CEP192: variants seen among roughly 807,000 people sequenced by gnomAD.
CEP192 encodes the protein centrosomal protein 192.
In CEP192, 151 loss-of-function variants were observed where a neutral mutation model predicts 271.8. The ratio of observed to expected loss-of-function variants is 0.56; its 90% CI spans 0.49 to 0.64. The LOEUF (loss-of-function observed/expected upper bound fraction) is 0.64, where lower values mean the gene tolerates loss of function less well. Ranked by LOEUF, CEP192 falls within the 30% of genes least tolerant of loss-of-function variation. CEP192 has a pLI of 0.00. For missense variants in CEP192, 2,910 were observed against 3,020.5 expected (o/e 0.96, Z 0.86); for synonymous variants, 995 against 1,076.5 (o/e 0.92, Z 1.48).
chr18:13,115,777 G>T (rs2040400521), intron 42 of CEP192, among the ~76,000 whole-genome samples: 1 of 152,162 alleles, frequency 6.6e-6, no homozygotes, highest in Non-Finnish European at 1.5e-5. Flanking sequence ...TATTTGTGGA[G>T]ACTGAAGGTG....
chr18:13,068,410 A>G lies in CEP192; in HGVS notation c.4810A>G (p.Ile1604Val). 1.9e-6 allele frequency: 3 copies of G among 1,611,390 alleles called. No homozygotes were observed. Among genetic ancestry groups the G allele is most frequent in the Non-Finnish European group, 1.7e-6 (2 of 1,178,248 alleles). The change falls in exon 24 of 45, where the codon ATC becomes GTC. Residue 1604 changes from isoleucine (I) to valine (V), a missense_variant. Physicochemically the swap from Ile to Val is conservative, Grantham distance 29 (BLOSUM62 3). Coordinates refer to ENST00000506447, the MANE Select transcript of CEP192 (RefSeq NM_032142.4). Reference sequence around the variant, plus strand: ...TCTTTTCCATAGTCCAAAGAAACAGATCAGCTCTTCAGGTATCATGTTTAC... The same window carrying G: ...TCTTTTCCATAGTCCAAAGAAACAGGTCAGCTCTTCAGGTATCATGTTTAC... ...WVLFHSPKKQ[I>V]SSSDILDSAE... is the part of the protein sequence containing the mutation.
rs183139472 is a variant in CEP192 at position 13,072,959 on chromosome 18, T to C, written c.5440-50T>C. 1,034 of 1,571,530 alleles carry C rather than the reference T, an allele frequency of 6.6e-4. 2 individuals are homozygous for C. The African/African-American group carries it at 6.7e-3, about 10-fold the overall frequency. Reference sequence around the variant, plus strand: ...AAGAATCTGTGTTAATGGTATGTTTTATTTGTGCTACTGCTTTGTTTTATG... The same window carrying C: ...AAGAATCTGTGTTAATGGTATGTTTCATTTGTGCTACTGCTTTGTTTTATG... On this transcript the variant is annotated intron_variant, in intron 29 of 44. Transcript: ENST00000506447.
rs187828579 is a variant in CEP192, at chr18:13,032,320, G to A, written c.1534+1712G>A. Among the ~76,000 whole-genome samples, 50 of 152,268 alleles carry A rather than the reference G, an allele frequency of 3.3e-4. No individual in the cohort carries two copies. In the South Asian group the frequency reaches 3.7e-3, roughly 11 times the overall value. ...GGTCTGAGTTACTTGGGGCAATGGC[G>A]ATACCATTACCTGAGGCGGGGAGTC... is the stretch of plus-strand genomic sequence containing the variant. On this transcript the variant is annotated intron_variant, in intron 11 of 44. Coordinates refer to ENST00000506447, the MANE Select transcript of CEP192 (RefSeq NM_032142.4).
chr18:13,068,793 G>A, intron 24 of CEP192, 59 bp from the exon 25 acceptor site: 3 of 1,594,052 alleles, frequency 1.9e-6, no homozygotes, highest in Non-Finnish European at 2.6e-6. Flanking sequence ...GACTGCTGAT[G>A]GCATTTAGAA....
chr18:13,067,768 A>G, intron 21 of CEP192, 63 bp from the exon 22 acceptor site: 1 of 1,395,530 alleles, frequency 7.2e-7, no homozygotes, highest in Non-Finnish European at 1.0e-6. Flanking sequence ...AGTGATATGA[A>G]CATACATGTT....
rs537492885 is a variant in CEP192, at chr18:13,098,195, G to C, written c.6558-1281G>C. On this transcript the variant is annotated intron_variant, in intron 36 of 44. Coordinates refer to ENST00000506447, the MANE Select transcript of CEP192 (RefSeq NM_032142.4). ...AGACGGGGTGGTGGCCAGGCAGACG[G>C]GCTCCTCACTTCCCAGTAGGGGCGG... Among the ~76,000 whole-genome samples, 9 of 152,230 alleles carry C rather than the reference G, an allele frequency of 5.9e-5. No individual in the cohort carries two copies. In the South Asian group the frequency reaches 6.2e-4, roughly 11 times the overall value.
intron 36 of CEP192, among the ~76,000 whole-genome samples, chr18:13,098,457 C>T (rs1368074868): frequency 6.8e-6 from 1 of 147,160 alleles, no homozygotes; most frequent in African/African-American, 2.4e-5. Flanking sequence ...CTCCTCACTT[C>T]TCAGACGGGG....
At position 13,012,953 on chromosome 18, in the gene CEP192, GTTT is replaced by G; in HGVS notation, c.467-17_467-15del. On this transcript the variant is annotated splice_polypyrimidine_tract_variant and intron_variant, in intron 4 of 44. Transcript: ENST00000506447. ...ATAAAATAACCTGGTCTCTCAGTTT[GTTT>G]TTGTTTTCTTACACAGACTCACCTA... 1 of 1,425,326 alleles carries G rather than the reference GTTT, an allele frequency of 7.0e-7. No individual in the cohort carries two copies. Among genetic ancestry groups the G allele is most frequent in the East Asian group, 2.5e-5 (1 of 40,142 alleles). The allele number at this position is 1,425,326 out of a possible 1,614,324, so 88.3% of individuals were successfully genotyped here.
At chr18:13,114,079 A>AT (rs1370079864) in intron 41 of CEP192, 51 bp from the exon 42 acceptor site, 1 of 1,561,816 alleles carries the variant, frequency 6.4e-7, no homozygotes, top group Non-Finnish European at 8.6e-7. Flanking sequence ...ATGTCCATAT[A>AT]TTTTCTTAGT....
At chr18:13,075,437 A>G (rs1177214350) in intron 30 of CEP192, among the ~76,000 whole-genome samples, 2 of 152,116 alleles carry the variant, frequency 1.3e-5, no homozygotes, top group East Asian at 1.9e-4. Flanking sequence ...ATGGTGGCAC[A>G]CACCTGTAGT....
At chr18:13,062,997 G>A (rs933211921) in intron 21 of CEP192, among the ~76,000 whole-genome samples, 1 of 152,026 alleles carries the variant, frequency 6.6e-6, no homozygotes, top group African/African-American at 2.4e-5. Context: ...TTCTGTGCCT[G>A]GCTTATTTCA....
intron 44 of CEP192, among the ~76,000 whole-genome samples, chr18:13,123,044 T>A (rs1329553263): frequency 6.6e-6 from 1 of 152,236 alleles, no homozygotes; most frequent in East Asian, 1.9e-4. Flanking sequence ...TACTTAAATT[T>A]TCAGGTTAAT....
chr18:13,073,686 C>G (rs1294770822), intron 30 of CEP192, among the ~76,000 whole-genome samples: 1 of 152,130 alleles, frequency 6.6e-6, no homozygotes, highest in East Asian at 1.9e-4. Flanking sequence ...TGAGGGTTGC[C>G]CTCTGCCTTT....
At chr18:12,999,738 AT>A (rs1272967912) in intron 2 of CEP192, 150 bp downstream of exon 2, 14 of 529,382 alleles carry the variant, frequency 2.6e-5, no homozygotes, top group Admixed American at 4.0e-5. Flanking sequence ...AAAAGACAGA[AT>A]TTACTGTCTT....
intron 17 of CEP192, among the ~76,000 whole-genome samples, 183 bp from the exon 18 acceptor site, chr18:13,052,736 C>T (rs1305627639): frequency 6.6e-6 from 1 of 152,166 alleles, no homozygotes; most frequent in Non-Finnish European, 1.5e-5. Context: ...ATACATTTTA[C>T]ACTAGTTTAA....
intron 15 of CEP192, among the ~76,000 whole-genome samples, chr18:13,047,086 A>G (rs966320455): frequency 6.6e-6 from 1 of 152,092 alleles, no homozygotes. Flanking sequence ...GTTTTACCCT[A>G]CAGTTTAGAG....
At chr18:13,021,070 G>C (rs2034963014) in intron 9 of CEP192, among the ~76,000 whole-genome samples, 1 of 152,040 alleles carries the variant, frequency 6.6e-6, no homozygotes, top group Non-Finnish European at 1.5e-5. Context: ...TTTAAATTAT[G>C]ATGTAGTGTG....
chr18:13,040,854 T>A lies in CEP192; in HGVS notation c.1834T>A (p.Ser612Thr), dbSNP rs771468226. The change falls in exon 14 of 45, where the codon TCA becomes ACA. Residue 612 changes from serine to threonine, a missense_variant. Coordinates refer to ENST00000506447, the MANE Select transcript of CEP192 (RefSeq NM_032142.4). ...KRPSFGYFIR[S>T]PEKREPIALI... Reference sequence around the variant, plus strand: ...GCCATCATTTGGCTATTTTATTAGATCACCAGAGAAGAGAGAACCTATTGC... The same window carrying A: ...GCCATCATTTGGCTATTTTATTAGAACACCAGAGAAGAGAGAACCTATTGC... 3.8e-6 allele frequency: 6 copies of A among 1,590,342 alleles called. No homozygotes were observed. The highest frequency in any genetic ancestry group is 2.3e-5 in the South Asian group (2 of 86,846).
chr18:13,063,491 GC>G lies in CEP192; in HGVS notation c.4488+4182del, dbSNP rs1343238241. ...AGTGATGTCGAGCACCTTTTCATAT[GC>G]CCATTTGATATTTGTATGTCTTCCT... On this transcript the variant is annotated intron_variant, in intron 21 of 44. Transcript: ENST00000506447. Among the ~76,000 whole-genome samples, 3 of 152,128 alleles carry G rather than the reference GC, an allele frequency of 2.0e-5. No individual in the cohort carries two copies. In the East Asian group the frequency reaches 5.8e-4, roughly 29 times the overall value.
Sources: allele counts gnomAD v4.1 joint callset (sites outside exome capture counted in the v4.1 genomes callset), GRCh38; gene constraint gnomAD v4.1.1; transcripts MANE v1.5; gene names NCBI Gene and HGNC (gene_info 2026-07-23, HGNC 2026-07-21).